Variants in SMOC2 observed in about 807,000 individuals in gnomAD.
The protein encoded by SMOC2 is SPARC-related modular calcium-binding protein 2.
Under a neutral mutation model 61.4 loss-of-function variants are expected in SMOC2, and 39 were observed. That is an observed-to-expected ratio of 0.64 (90% CI 0.49 to 0.83). SMOC2 has a LOEUF of 0.83. SMOC2 is among the 40% of genes least tolerant of loss of function. The pLI is 0.00. For synonymous variants in SMOC2, 247 were observed against 239.9 expected, an observed-to-expected ratio of 1.03 and a Z score of -0.27; for missense variants, 556 against 592.9, an observed-to-expected ratio of 0.94 and a Z score of 0.65.
Position 168,642,429 on chromosome 6 carries a change from CT to C in SMOC2, c.908-8249del, listed in dbSNP as rs539594446. 3.9e-5 allele frequency among the ~76,000 whole-genome samples: 6 copies of C among 152,328 alleles called. No individual in the cohort carries two copies. In the South Asian group the frequency reaches 1.2e-3, roughly 32 times the overall value. On this transcript the variant is annotated intron_variant, in intron 9 of 12. Transcript: ENST00000356284. Reference sequence around the variant, plus strand: ...TACAGTTCACAACGTACACAGAAACCTTTAGGCTGAACTTAAATATATAAGG... The same window carrying C: ...TACAGTTCACAACGTACACAGAAACCTTAGGCTGAACTTAAATATATAAGG...
intron 9 of SMOC2, among the ~76,000 whole-genome samples, chr6:168,646,187 G>A (rs1320052524): frequency 6.6e-6 from 1 of 152,158 alleles, no homozygotes; most frequent in African/African-American, 2.4e-5. Context: ...AATGTTACTT[G>A]CGTGTGAAAT....
At chr6:168,501,997 A>T (rs139921270) in intron 1 of SMOC2, among the ~76,000 whole-genome samples, 185 of 152,252 alleles carry the variant, frequency 1.2e-3, no homozygotes, top group African/African-American at 4.2e-3. Flanking sequence ...CATCTTTCCC[A>T]GGCTTCCTGA....
chr6:168,548,522 T>TA (rs111588379), intron 6 of SMOC2, among the ~76,000 whole-genome samples: 99,247 of 147,130 alleles, frequency 0.67, 34,697 homozygotes, highest in East Asian at 0.98. Context: ...CACCCCTGGC[T>TA]ATTTTTTTTT....
At chr6:168,633,077 C>T (rs943445587) in intron 9 of SMOC2, among the ~76,000 whole-genome samples, 3 of 152,200 alleles carry the variant, frequency 2.0e-5, no homozygotes, top group African/African-American at 7.2e-5. Flanking sequence ...TAAACCCAAT[C>T]TGCACTGCTG....
chr6:168,624,632 A>C (rs1480854073), intron 9 of SMOC2, among the ~76,000 whole-genome samples: 2 of 100,316 alleles, frequency 2.0e-5, no homozygotes, highest in Non-Finnish European at 2.2e-5. Context: ...AGACACAGAC[A>C]ACAGTACAAA....
intron 1 of SMOC2, among the ~76,000 whole-genome samples, chr6:168,508,330 T>A (rs1368718277): frequency 2.0e-5 from 3 of 152,190 alleles, no homozygotes; most frequent in African/African-American, 7.2e-5. Flanking sequence ...GGGTCAAGAT[T>A]TATCTTCAAG....
chr6:168,548,351 C>CTTTCATTCCT (rs1784054949), intron 6 of SMOC2, among the ~76,000 whole-genome samples: 1 of 127,186 alleles, frequency 7.9e-6, no homozygotes, highest in South Asian at 2.6e-4. Flanking sequence ...CACTACATTC[C>CTTTCATTCCT]TTTTTTTTTT....
At chr6:168,654,429 CT>C (rs1562407444) in intron 11 of SMOC2, among the ~76,000 whole-genome samples, 1 of 30,582 alleles carries the variant, frequency 3.3e-5, no homozygotes, top group African/African-American at 8.2e-5. Flanking sequence ...CTCACCACCC[CT>C]GTACCTGAGC....
At chr6:168,582,795 A>G (rs558216804) in intron 7 of SMOC2, among the ~76,000 whole-genome samples, 1 of 152,186 alleles carries the variant, frequency 6.6e-6, no homozygotes, top group Non-Finnish European at 1.5e-5. Flanking sequence ...TAACATTCAG[A>G]AGACTCAGCT....
Position 168,543,647 on chromosome 6 carries a change from C to G in SMOC2, c.486C>G (p.Pro162=). ...TAGGTTCCGTAAATGAAAAGTTACC[C>G]CAACGCGAAGGCACAGGAAAAACAG... ...RCPGSVNEKL[P]QREGTGKTDD... The change falls in exon 5 of 13, where the codon CCC becomes CCG. Residue 162 remains proline, a synonymous_variant. Coordinates refer to ENST00000356284, the MANE Select transcript of SMOC2 (RefSeq NM_001166412.2). The G allele has an allele frequency of 6.2e-7, 1 of 1,613,746 alleles. No individual in the cohort carries two copies. Among genetic ancestry groups the G allele is most frequent in the African/African-American group, 1.3e-5 (1 of 75,032 alleles).
intron 7 of SMOC2, among the ~76,000 whole-genome samples, chr6:168,563,080 G>T (rs1489866598): frequency 6.6e-6 from 1 of 152,210 alleles, no homozygotes; most frequent in Non-Finnish European, 1.5e-5. Context: ...GGAAGCAGCT[G>T]GGCACCTGTG....
chr6:168,532,287 G>A (rs1284868343), intron 4 of SMOC2, among the ~76,000 whole-genome samples: 1 of 152,210 alleles, frequency 6.6e-6, no homozygotes, highest in African/African-American at 2.4e-5. Flanking sequence ...GTAAAGGGCA[G>A]GGTTCACACT....
intron 8 of SMOC2, among the ~76,000 whole-genome samples, chr6:168,603,971 G>A (rs1236015396): frequency 6.6e-6 from 1 of 152,226 alleles, no homozygotes. Context: ...AGAAACTGAT[G>A]AATGAATATA....
At chr6:168,539,159 G>A (rs1313859298) in intron 4 of SMOC2, among the ~76,000 whole-genome samples, 4 of 152,080 alleles carry the variant, frequency 2.6e-5, no homozygotes, top group Non-Finnish European at 4.4e-5. Context: ...GCATGAGATT[G>A]CAAAAAATGT....
At chr6:168,574,556 G>C (rs1249155580) in intron 7 of SMOC2, among the ~76,000 whole-genome samples, 2 of 152,232 alleles carry the variant, frequency 1.3e-5, no homozygotes, top group Non-Finnish European at 2.9e-5. Flanking sequence ...GGAGAAAGGT[G>C]AGGAGGGAGG....
rs1785009921 is a variant in SMOC2, at chr6:168,584,781, T to C, written c.638-14037T>C. Among the ~76,000 whole-genome samples the C allele has an allele frequency of 4.0e-5, 6 of 151,886 alleles. No homozygotes were observed. The South Asian group carries it at 1.2e-3, about 32-fold the overall frequency. ...GTTTATGGAGAGCATCGATGTAGAGTGAGATGCACAGACGGCCGTGCACGG... is the reference window on the plus strand; with the variant it reads ...GTTTATGGAGAGCATCGATGTAGAGCGAGATGCACAGACGGCCGTGCACGG... On this transcript the variant is annotated intron_variant, in intron 7 of 12. Coordinates refer to ENST00000356284, the MANE Select transcript of SMOC2 (RefSeq NM_001166412.2).
chr6:168,537,268 G>C (rs1176863468), intron 4 of SMOC2, among the ~76,000 whole-genome samples: 1 of 152,090 alleles, frequency 6.6e-6, no homozygotes, highest in Non-Finnish European at 1.5e-5. Context: ...TCTGCAGGCT[G>C]TGAGAAGACT....
chr6:168,609,607 C>G (rs1256661244), intron 9 of SMOC2, among the ~76,000 whole-genome samples: 1 of 152,114 alleles, frequency 6.6e-6, no homozygotes, highest in African/African-American at 2.4e-5. Flanking sequence ...CCTCCATTAT[C>G]TGGTGTCATC....
chr6:168,521,809 A>G (rs1562568393), intron 2 of SMOC2, among the ~76,000 whole-genome samples: 1 of 152,152 alleles, frequency 6.6e-6, no homozygotes, highest in African/African-American at 2.4e-5. Flanking sequence ...CAGGAGGTTG[A>G]AGCTGCAGTG....
Sources: allele counts gnomAD v4.1 joint callset (sites outside exome capture counted in the v4.1 genomes callset), GRCh38; gene constraint gnomAD v4.1.1; transcripts MANE v1.5; gene names NCBI Gene and HGNC (gene_info 2026-07-23, HGNC 2026-07-21).